The following OR10J1 variants were observed in gnomAD, a reference collection of about 807,000 sequenced individuals.
OR10J1 encodes olfactory receptor 10J1.
For synonymous variants in OR10J1, 202 were observed against 143.8 expected, an observed-to-expected ratio of 1.40 and a Z score of -2.89; for missense variants, 474 against 376.6, an observed-to-expected ratio of 1.26 and a Z score of -2.14.
upstream of OR10J1, among the ~76,000 whole-genome samples, chr1:159,439,249 T>G (rs1655830389): frequency 6.6e-6 from 1 of 152,202 alleles, no homozygotes; most frequent in South Asian, 2.1e-4. Flanking sequence ...CACTAGTCCA[T>G]CCCTAAACAA....
the OR10J1 span, among the ~76,000 whole-genome samples, chr1:159,409,466 C>G: frequency 2.6e-5 from 4 of 152,036 alleles, no homozygotes; most frequent in Non-Finnish European, 5.9e-5. Flanking sequence ...ACTCCGTACT[C>G]TCTTTTTCTA....
the OR10J1 span, among the ~76,000 whole-genome samples, chr1:159,407,370 A>C: frequency 6.6e-6 from 1 of 152,126 alleles, no homozygotes; most frequent in Non-Finnish European, 1.5e-5. Flanking sequence ...CAATTGCTTT[A>C]TCTCTAAAAT....
the OR10J1 span, among the ~76,000 whole-genome samples, chr1:159,416,968 C>T: frequency 1.3e-5 from 2 of 151,990 alleles, no homozygotes; most frequent in Admixed American, 6.6e-5. Flanking sequence ...GGTCTTCTCT[C>T]TTTTTCTCTT....
the OR10J1 span, among the ~76,000 whole-genome samples, chr1:159,407,130 C>G: frequency 6.8e-4 from 103 of 152,202 alleles, no homozygotes; most frequent in Non-Finnish European, 1.2e-3. Context: ...AAGTTATGAG[C>G]ATCTTCAACT....
At chr1:159,436,182 C>T (rs1279409506), upstream of OR10J1, among the ~76,000 whole-genome samples, 1 of 151,786 alleles carries the variant, frequency 6.6e-6, no homozygotes, top group African/African-American at 2.4e-5. Context: ...GCTCTTTAGC[C>T]CAATTCCACT....
At chr1:159,422,295 T>C in the OR10J1 span, among the ~76,000 whole-genome samples, 1 of 152,056 alleles carries the variant, frequency 6.6e-6, no homozygotes, top group East Asian at 1.9e-4. Flanking sequence ...AATGCTTAGA[T>C]GGGGCAGCAG....
At chr1:159,414,963 C>T in the OR10J1 span, among the ~76,000 whole-genome samples, 1 of 151,938 alleles carries the variant, frequency 6.6e-6, no homozygotes, top group African/African-American at 2.4e-5. Flanking sequence ...CTTGTATATT[C>T]TGGATATTAG....
chr1:159,433,304 GA>G (rs559877749), upstream of OR10J1, among the ~76,000 whole-genome samples: 3 of 151,890 alleles, frequency 2.0e-5, no homozygotes, highest in Non-Finnish European at 2.9e-5. Flanking sequence ...AAATATTAAT[GA>G]AAAAAAGAAA....
the OR10J1 span, among the ~76,000 whole-genome samples, chr1:159,409,836 G>C: frequency 6.6e-6 from 1 of 152,098 alleles, no homozygotes; most frequent in Admixed American, 6.6e-5. Context: ...CTGTGGGTTT[G>C]CTATAGATAG....
the OR10J1 span, chr1:159,405,911 T>C: frequency 2.5e-4 from 134 of 541,410 alleles, no homozygotes; most frequent in Non-Finnish European, 2.1e-4. Flanking sequence ...ACAATAGCCA[T>C]GCCCAGGCCA....
the OR10J1 span, among the ~76,000 whole-genome samples, chr1:159,418,246 G>A: frequency 6.6e-6 from 1 of 152,178 alleles, no homozygotes; most frequent in Non-Finnish European, 1.5e-5. Context: ...CAAGACAGTG[G>A]GGAAGATGTC....
Position 159,440,244 on chromosome 1 carries a change from T to C in OR10J1, c.453T>C (p.Ile151=), listed in dbSNP as rs1365336691. The change falls in exon 1 of 1, where the codon ATT becomes ATC. Residue 151 remains isoleucine (I), a synonymous_variant. Coordinates refer to ENST00000423932, the MANE Select transcript of OR10J1 (RefSeq NM_012351.3). ...RIQLVLGACS[I]GLIVAITQVT... is the part of the protein sequence containing the mutation. ...AACTTGTCCTGGGGGCCTGCAGCAT[T>C]GGGCTGATTGTAGCAATAACGCAAG... 1 of 1,614,168 alleles carries C rather than the reference T, an allele frequency of 6.2e-7. No homozygotes were observed.
At chr1:159,423,055 C>A in the OR10J1 span, among the ~76,000 whole-genome samples, 9 of 152,162 alleles carry the variant, frequency 5.9e-5, no homozygotes, top group Non-Finnish European at 1.3e-4. Context: ...TGCATCTAGT[C>A]AGCCATCTTG....
At chr1:159,421,585 T>G in the OR10J1 span, among the ~76,000 whole-genome samples, 2 of 152,150 alleles carry the variant, frequency 1.3e-5, no homozygotes, top group Non-Finnish European at 2.9e-5. Flanking sequence ...ATGGTATTGG[T>G]TGGTTAGGGC....
the OR10J1 span, among the ~76,000 whole-genome samples, chr1:159,427,489 C>T: frequency 6.6e-6 from 1 of 151,748 alleles, no homozygotes; most frequent in Admixed American, 6.6e-5. Flanking sequence ...GAACAAAATA[C>T]TTATAAAAGC....
At chr1:159,402,979 T>G in the OR10J1 span, among the ~76,000 whole-genome samples, 1 of 152,096 alleles carries the variant, frequency 6.6e-6, no homozygotes, top group Admixed American at 6.6e-5. Context: ...GAACTCATTT[T>G]AAACAAAGGT....
chr1:159,423,084 A>G, the OR10J1 span, among the ~76,000 whole-genome samples: 14,127 of 152,138 alleles, frequency 0.093, 2,162 homozygotes, highest in African/African-American at 0.32. Flanking sequence ...CTTCTATTTC[A>G]ATCCTTTCCA....
chr1:159,426,539 T>A, the OR10J1 span, among the ~76,000 whole-genome samples: 1 of 151,908 alleles, frequency 6.6e-6, no homozygotes. Flanking sequence ...ATGCAAAAAC[T>A]GATAAAACTA....
the OR10J1 span, among the ~76,000 whole-genome samples, chr1:159,404,668 GA>G: frequency 6.6e-6 from 1 of 152,102 alleles, no homozygotes; most frequent in African/African-American, 2.4e-5. Context: ...TTTTTCTCAA[GA>G]GGTGTCGGCT....
Sources: gnomAD v4.1 joint callset for allele counts (sites outside exome capture counted in the v4.1 genomes callset) on GRCh38, gnomAD v4.1.1 for gene constraint, MANE v1.5 for transcripts, NCBI Gene and HGNC (gene_info 2026-07-23, HGNC 2026-07-21) for gene names.